CADPS2: variants seen among roughly 807,000 people sequenced by gnomAD.
The protein encoded by CADPS2 is calcium dependent secretion activator 2, also known as calcium-dependent secretion activator 2.
A neutral mutation model predicts 172.5 loss-of-function variants in CADPS2; 93 were observed. That is an observed-to-expected ratio of 0.54 (90% CI 0.46 to 0.64). CADPS2 has a LOEUF of 0.64. Among genes scored for constraint, CADPS2 ranks in the 30% least tolerant of loss-of-function variants. The pLI, the probability that CADPS2 is intolerant of heterozygous loss-of-function variation, is 0.00. For missense variants in CADPS2, 1,420 were observed against 1,565.9 expected, an observed-to-expected ratio of 0.91 and a Z score of 1.57; for synonymous variants, 546 against 555.2, an observed-to-expected ratio of 0.98 and a Z score of 0.23.
At chr7:122,321,570 C>G (rs1476024837) in intron 29 of CADPS2, among the ~76,000 whole-genome samples, 1 of 152,188 alleles carries the variant, frequency 6.6e-6, no homozygotes, top group Non-Finnish European at 1.5e-5. Flanking sequence ...CTCACAGCAG[C>G]CTTCGCCTCC....
chr7:122,865,770 C>T (rs906774770), intron 1 of CADPS2, among the ~76,000 whole-genome samples: 1 of 152,200 alleles, frequency 6.6e-6, no homozygotes, highest in Non-Finnish European at 1.5e-5. Context: ...AACCACACAG[C>T]ATTTATCCAA....
chr7:122,809,921 C>T (rs1267755942), intron 1 of CADPS2, among the ~76,000 whole-genome samples: 1 of 152,136 alleles, frequency 6.6e-6, no homozygotes, highest in Non-Finnish European at 1.5e-5. Flanking sequence ...TTCAAAGGTA[C>T]TAATGGCAGG....
chr7:122,738,598 T>C (rs1282474139), intron 1 of CADPS2, among the ~76,000 whole-genome samples: 2 of 152,032 alleles, frequency 1.3e-5, no homozygotes, highest in East Asian at 3.9e-4. Context: ...ATACTGAGGA[T>C]AAAATGATTA....
At chr7:122,513,939 T>C (rs1237189845) in intron 8 of CADPS2, among the ~76,000 whole-genome samples, 4 of 152,232 alleles carry the variant, frequency 2.6e-5, no homozygotes, top group Non-Finnish European at 5.9e-5. Flanking sequence ...GTAACGAAGA[T>C]GCCATTGGGT....
At chr7:122,877,823 C>T (rs781394692) in intron 1 of CADPS2, among the ~76,000 whole-genome samples, 1 of 152,082 alleles carries the variant, frequency 6.6e-6, no homozygotes, top group South Asian at 2.1e-4. Context: ...ATAGGCATCT[C>T]ATTTCGTCAC....
chr7:122,408,213 T>C (rs1488543129), intron 19 of CADPS2, among the ~76,000 whole-genome samples: 4 of 151,952 alleles, frequency 2.6e-5, no homozygotes, highest in Admixed American at 2.6e-4. Flanking sequence ...CCTATTAAAA[T>C]GGCTGTTTTC....
At chr7:122,527,942 C>T (rs1205329605) in intron 8 of CADPS2, among the ~76,000 whole-genome samples, 1 of 152,070 alleles carries the variant, frequency 6.6e-6, no homozygotes, top group East Asian at 1.9e-4. Context: ...CTAAATGATT[C>T]TCTAAATGGC....
At chr7:122,833,586 G>A (rs1807306796) in intron 1 of CADPS2, among the ~76,000 whole-genome samples, 1 of 151,730 alleles carries the variant, frequency 6.6e-6, no homozygotes, top group African/African-American at 2.4e-5. Context: ...AGTAGAGATG[G>A]GGTTTCACCA....
chr7:122,749,444 T>C (rs1023149858), intron 1 of CADPS2, among the ~76,000 whole-genome samples: 1 of 152,130 alleles, frequency 6.6e-6, no homozygotes, highest in African/African-American at 2.4e-5. Flanking sequence ...ACTAGCAAAC[T>C]GTACATAAAA....
intron 1 of CADPS2, among the ~76,000 whole-genome samples, chr7:122,841,080 C>T (rs1302429719): frequency 6.6e-6 from 1 of 152,116 alleles, no homozygotes; most frequent in Non-Finnish European, 1.5e-5. Flanking sequence ...GGAGGAAGAA[C>T]ATGTTTCCTT....
chr7:122,612,284 G>C (rs1246580831), intron 6 of CADPS2, among the ~76,000 whole-genome samples: 1 of 151,900 alleles, frequency 6.6e-6, no homozygotes, highest in Non-Finnish European at 1.5e-5. Flanking sequence ...ACATGGTCTT[G>C]TACATAGAAA....
rs1165638102 is a variant in CADPS2, at chr7:122,769,655, T to G, written c.340-32587A>C. Among the ~76,000 whole-genome samples the G allele has an allele frequency of 2.0e-5, 3 of 152,158 alleles. No individual in the cohort carries two copies. The East Asian group carries it at 5.8e-4, about 29-fold the overall frequency. On this transcript the variant is annotated intron_variant, in intron 1 of 29. Transcript: ENST00000449022. ...TCTTAGATAAAATAAAAACTAAAAA[T>G]GTCCTAATTATAAATTTCAAAATGG...
chr7:122,331,420 T>G (rs1464357219), intron 28 of CADPS2, among the ~76,000 whole-genome samples: 4 of 152,158 alleles, frequency 2.6e-5, no homozygotes, highest in African/African-American at 9.6e-5. Flanking sequence ...GGTGGATCAC[T>G]TGAGGCCAGG....
chr7:122,662,428 T>C (rs1210549526), intron 3 of CADPS2, among the ~76,000 whole-genome samples: 1 of 147,160 alleles, frequency 6.8e-6, no homozygotes, highest in African/African-American at 2.5e-5. Flanking sequence ...CAGGCTGGAG[T>C]GCAGTGGCAC....
chr7:122,886,290 T>C lies in CADPS2; in HGVS notation c.48A>G (p.Glu16=). The change falls in exon 1 of 30, where the codon GAA becomes GAG. Residue 16 remains glutamate, a synonymous_variant. Transcript: ENST00000449022. Reference sequence around the variant, plus strand: ...CCACCAGCACATCGCGGCTTTCCTCTTCCAGCCCCTCGTCCGACTCCTCTT... The same window carrying C: ...CCACCAGCACATCGCGGCTTTCCTCCTCCAGCCCCTCGTCCGACTCCTCTT... ...SSEEESDEGL[E]EESRDVLVAA... 1 of 1,504,762 alleles carries C rather than the reference T, an allele frequency of 6.6e-7. No homozygotes were observed. The highest frequency in any genetic ancestry group is 8.8e-7 in the Non-Finnish European group (1 of 1,135,052). The allele number at this position is 1,504,762 out of a possible 1,614,324, so 93.2% of individuals were successfully genotyped here. A position where few individuals can be genotyped will look rare whatever the true frequency, so the allele number is the denominator to read the frequency against.
chr7:122,881,579 C>T (rs1178349325), intron 1 of CADPS2, among the ~76,000 whole-genome samples: 1 of 152,134 alleles, frequency 6.6e-6, no homozygotes. Context: ...GACCATAATG[C>T]ATCAAAGCCA....
In CADPS2 at chr7:122,345,559, A is replaced by G. The variant is rs756987418; in HGVS notation, c.3612+15T>C. 1.0e-5 allele frequency: 15 copies of G among 1,465,982 alleles called. No individual in the cohort carries two copies. In the African/African-American group the frequency reaches 2.0e-4, roughly 19 times the overall value. The allele number at this position is 1,465,982 out of a possible 1,614,324, so 90.8% of individuals were successfully genotyped here. On this transcript the variant is annotated intron_variant, in intron 28 of 29. Coordinates refer to ENST00000449022, the MANE Select transcript of CADPS2 (RefSeq NM_017954.11). ...ATCTATGGTGTCAGCATACCTTGCAAGGGAAGCTACTTACATCAAATAACT... is the reference window on the plus strand; with the variant it reads ...ATCTATGGTGTCAGCATACCTTGCAGGGGAAGCTACTTACATCAAATAACT...
intron 1 of CADPS2, among the ~76,000 whole-genome samples, chr7:122,851,098 T>C (rs1813451875): frequency 6.6e-6 from 1 of 152,216 alleles, no homozygotes; most frequent in South Asian, 2.1e-4. Flanking sequence ...ATCATGTGCA[T>C]TCATTTGGGT....
intron 6 of CADPS2, among the ~76,000 whole-genome samples, chr7:122,600,672 C>G (rs1563821668): frequency 1.3e-5 from 2 of 152,004 alleles, no homozygotes; most frequent in African/African-American, 2.4e-5. Context: ...ACAGTAAAGT[C>G]CAACAAAAAC....
Sources: gnomAD v4.1 joint callset for allele counts (sites outside exome capture counted in the v4.1 genomes callset) on GRCh38, gnomAD v4.1.1 for gene constraint, MANE v1.5 for transcripts, NCBI Gene and HGNC (gene_info 2026-07-23, HGNC 2026-07-21) for gene names.